Variants in OPCML observed in about 807,000 individuals in gnomAD.
The protein encoded by OPCML is opioid-binding protein/cell adhesion molecule.
In OPCML, 13 loss-of-function variants were observed where a neutral mutation model predicts 37.8. The observed-to-expected ratio is 0.34, with a 90% confidence interval of 0.22 to 0.55. OPCML has a LOEUF of 0.55. Ranked by LOEUF, OPCML falls within the 20% of genes least tolerant of loss-of-function variation. The pLI, the probability that OPCML is intolerant of heterozygous loss-of-function variation, is 0.91. For missense variants in OPCML, 341 were observed against 435.6 expected (o/e 0.78, Z 1.93); for synonymous variants, 176 against 168.8 (o/e 1.04, Z -0.33).
At chr11:133,474,733 A>G (rs906238218) in intron 1 of OPCML, among the ~76,000 whole-genome samples, 3 of 152,194 alleles carry the variant, frequency 2.0e-5, no homozygotes, top group Non-Finnish European at 4.4e-5. Flanking sequence ...ACTTGGCCTG[A>G]ACCTACTTCT....
chr11:132,647,454 C>T (rs1591668288), intron 3 of OPCML, among the ~76,000 whole-genome samples: 1 of 152,152 alleles, frequency 6.6e-6, no homozygotes, highest in African/African-American at 2.4e-5. Flanking sequence ...AATTTAACTA[C>T]TAAGAGCCTA....
chr11:133,513,914 A>G (rs1948210986), intron 1 of OPCML, among the ~76,000 whole-genome samples: 1 of 152,240 alleles, frequency 6.6e-6, no homozygotes, highest in South Asian at 2.1e-4. Flanking sequence ...GGAACACAGC[A>G]GCAAAGAAAT....
At chr11:133,090,908 T>C (rs1442956583) in intron 1 of OPCML, among the ~76,000 whole-genome samples, 1 of 152,168 alleles carries the variant, frequency 6.6e-6, no homozygotes, top group Non-Finnish European at 1.5e-5. Context: ...AGAAGCTAGA[T>C]GCTATTCATC....
chr11:133,503,804 A>T (rs1947968401), intron 1 of OPCML, among the ~76,000 whole-genome samples: 2 of 152,166 alleles, frequency 1.3e-5, no homozygotes, highest in African/African-American at 4.8e-5. Context: ...TGGGCACTGA[A>T]GAAAAGACAA....
intron 4 of OPCML, among the ~76,000 whole-genome samples, chr11:132,450,430 G>A (rs992077353): frequency 1.3e-5 from 2 of 152,104 alleles, no homozygotes; most frequent in Admixed American, 6.5e-5. Context: ...AACCATATGG[G>A]GCGGGTGCTG....
At chr11:133,246,870 G>A (rs190998421) in intron 1 of OPCML, among the ~76,000 whole-genome samples, 2 of 152,292 alleles carry the variant, frequency 1.3e-5, no homozygotes, top group East Asian at 1.9e-4. Context: ...CCTATTAGGT[G>A]GGTAGAATTG....
chr11:132,958,125 G>A (rs1425087315), intron 1 of OPCML, among the ~76,000 whole-genome samples: 3 of 152,182 alleles, frequency 2.0e-5, no homozygotes, highest in Admixed American at 2.0e-4. Flanking sequence ...ATTCCTGAAG[G>A]AAATTAAAAG....
chr11:132,643,305 G>T (rs1331001904), intron 3 of OPCML, among the ~76,000 whole-genome samples: 5 of 152,150 alleles, frequency 3.3e-5, no homozygotes, highest in South Asian at 2.1e-4. Flanking sequence ...TCCTGCTCTT[G>T]CCTCTTGCTG....
chr11:133,526,165 C>T (rs1017482668), intron 1 of OPCML, among the ~76,000 whole-genome samples: 3 of 152,150 alleles, frequency 2.0e-5, no homozygotes, highest in Admixed American at 6.5e-5. Context: ...GGCGCAGAGG[C>T]GAGTGGGTGG....
chr11:133,421,406 C>A, intron 1 of OPCML: 1 of 985,406 alleles, frequency 1.0e-6, no homozygotes, highest in Non-Finnish European at 1.2e-6. Context: ...AGAAATCAGG[C>A]ATTTCGTTGT....
intron 1 of OPCML, among the ~76,000 whole-genome samples, chr11:132,999,565 G>T (rs113212550): frequency 2.1e-5 from 3 of 142,682 alleles, no homozygotes; most frequent in African/African-American, 8.0e-5. Flanking sequence ...GTGACAAATG[G>T]GGTCGGGGGG....
intron 3 of OPCML, among the ~76,000 whole-genome samples, chr11:132,548,454 C>T (rs930788467): frequency 1.3e-5 from 2 of 152,282 alleles, no homozygotes; most frequent in South Asian, 4.1e-4. Context: ...GGGTGTTACT[C>T]TTATCCACCA....
intron 1 of OPCML, among the ~76,000 whole-genome samples, chr11:132,986,543 C>A (rs1461149469): frequency 6.6e-6 from 1 of 152,154 alleles, no homozygotes; most frequent in African/African-American, 2.4e-5. Flanking sequence ...GCACCTAGCA[C>A]TTTGCCTGGA....
At position 132,624,740 on chromosome 11, in the gene OPCML, A is replaced by G. The variant is rs532613788; in HGVS notation, c.379+32347T>C. On this transcript the variant is annotated intron_variant, in intron 3 of 7. Coordinates refer to ENST00000524381, the MANE Select transcript of OPCML (RefSeq NM_001012393.5). ...TAAATCCTTATCTTCCGGGAGGCACAAACATCTCAGTTCCTGCAGGTTACC... is the reference window on the plus strand; with the variant it reads ...TAAATCCTTATCTTCCGGGAGGCACGAACATCTCAGTTCCTGCAGGTTACC... Among the ~76,000 whole-genome samples, 29 of 152,278 alleles carry G rather than the reference A, an allele frequency of 1.9e-4. No individual in the cohort carries two copies. In the South Asian group the frequency reaches 4.8e-3, roughly 25 times the overall value.
intron 1 of OPCML, among the ~76,000 whole-genome samples, chr11:133,072,358 G>C (rs1948552190): frequency 6.6e-6 from 1 of 152,146 alleles, no homozygotes; most frequent in African/African-American, 2.4e-5. Flanking sequence ...AAATAAGTGA[G>C]ACTAAACATT....
At chr11:133,381,616 T>A (rs1169310893) in intron 1 of OPCML, among the ~76,000 whole-genome samples, 1 of 151,906 alleles carries the variant, frequency 6.6e-6, no homozygotes, top group African/African-American at 2.4e-5. Flanking sequence ...GAAAAGAGGA[T>A]GGGAGAAAGA....
intron 2 of OPCML, among the ~76,000 whole-genome samples, chr11:132,919,873 TA>T (rs1944732968): frequency 6.6e-6 from 1 of 152,116 alleles, no homozygotes; most frequent in Non-Finnish European, 1.5e-5. Context: ...AATGGATAAA[TA>T]AAAGACAAGT....
At chr11:133,444,551 T>A (rs1245641229) in intron 1 of OPCML, among the ~76,000 whole-genome samples, 2 of 152,040 alleles carry the variant, frequency 1.3e-5, no homozygotes, top group African/African-American at 4.8e-5. Flanking sequence ...AACAAAAAAA[T>A]AATTTCTAGG....
chr11:132,871,851 TTTTG>T (rs2136395656), intron 2 of OPCML, among the ~76,000 whole-genome samples: 1 of 152,336 alleles, frequency 6.6e-6, no homozygotes, highest in South Asian at 2.1e-4. Flanking sequence ...TATGCCTTTG[TTTTG>T]TTTTTCTATT....
Sources: allele counts gnomAD v4.1 joint callset (sites outside exome capture counted in the v4.1 genomes callset), GRCh38; gene constraint gnomAD v4.1.1; transcripts MANE v1.5; gene names NCBI Gene and HGNC (gene_info 2026-07-23, HGNC 2026-07-21).